The following MAGI2 variants were observed in gnomAD, a reference collection of about 807,000 sequenced individuals.
MAGI2 encodes the protein membrane associated guanylate kinase, WW and PDZ domain containing 2, also known as membrane-associated guanylate kinase, WW and PDZ domain-containing protein 2.
A neutral mutation model predicts 133.3 loss-of-function variants in MAGI2; 35 were observed. That is an observed-to-expected ratio of 0.26 (90% CI 0.20 to 0.35). MAGI2 has a LOEUF of 0.35. MAGI2 is among the 10% of genes least tolerant of loss of function. The probability of loss-of-function intolerance (pLI) is 1.00; values close to 1 mark genes in which losing one functional copy is unlikely to be tolerated. For missense variants in MAGI2, 1,636 were observed against 1,863.4 expected (o/e 0.88, Z 2.25); for synonymous variants, 729 against 710.6 (o/e 1.03, Z -0.41).
At chr7:78,614,665 A>C (rs1326168293) in intron 3 of MAGI2, 1 of 152,174 alleles carries the variant, frequency 6.6e-6, no homozygotes, top group African/African-American at 2.4e-5. Context: ...TTCTGATATA[A>C]TTGTTGAGAC....
chr7:79,448,828 A>G (rs1376229564), intron 1 of MAGI2, among the ~76,000 whole-genome samples: 4 of 152,158 alleles, frequency 2.6e-5, no homozygotes, highest in Admixed American at 6.5e-5. Flanking sequence ...AAGATTAAAC[A>G]GTGTAAATGT....
chr7:78,079,235 G>C, intron 20 of MAGI2, 150 bp from the exon 21 acceptor site: 1 of 727,246 alleles, frequency 1.4e-6, no homozygotes. Flanking sequence ...GCTATTCCCT[G>C]GCTGCATCCT....
intron 2 of MAGI2, among the ~76,000 whole-genome samples, chr7:78,747,429 C>T (rs542068270): frequency 1.3e-5 from 2 of 148,844 alleles, no homozygotes; most frequent in South Asian, 4.3e-4. Context: ...TCATTGTGCT[C>T]CAGACATTTT....
chr7:78,305,592 C>T (rs2151083514), intron 9 of MAGI2, among the ~76,000 whole-genome samples: 1 of 152,286 alleles, frequency 6.6e-6, no homozygotes, highest in South Asian at 2.1e-4. Context: ...TGGTCACCAT[C>T]TCAGAATTTG....
intron 2 of MAGI2, among the ~76,000 whole-genome samples, chr7:78,905,268 G>A (rs909964825): frequency 4.6e-5 from 7 of 152,050 alleles, no homozygotes; most frequent in African/African-American, 1.2e-4. Flanking sequence ...TAATGACACC[G>A]TGCCGTGCAA....
intron 9 of MAGI2, among the ~76,000 whole-genome samples, chr7:78,274,777 G>C (rs920234188): frequency 6.6e-6 from 1 of 152,120 alleles, no homozygotes; most frequent in African/African-American, 2.4e-5. Flanking sequence ...AGCAGTGGTG[G>C]ATGCACCTTC....
intron 3 of MAGI2, chr7:78,617,292 T>C (rs530369387): frequency 4.5e-4 from 68 of 152,252 alleles, no homozygotes; most frequent in African/African-American, 1.6e-3. Context: ...AGTCAAACTT[T>C]CCATTTTGTT....
chr7:78,534,978 C>CA (rs1287714324), intron 3 of MAGI2, among the ~76,000 whole-genome samples: 3 of 152,038 alleles, frequency 2.0e-5, no homozygotes, highest in Non-Finnish European at 2.9e-5. Context: ...ACTAAAAATA[C>CA]AAAAATTAGC....
At chr7:78,690,938 C>T (rs1482938720) in intron 2 of MAGI2, among the ~76,000 whole-genome samples, 1 of 152,184 alleles carries the variant, frequency 6.6e-6, no homozygotes, top group Non-Finnish European at 1.5e-5. Context: ...CAAAGCTGCA[C>T]TAAACATGCA....
In MAGI2 at chr7:78,256,052, A is replaced by T; in HGVS notation, c.1938T>A (p.Ile646=). Residue 646 remains isoleucine (I), a synonymous_variant, in exon 10 of 22, where the codon ATT becomes ATA. Transcript: ENST00000354212. ...GCPGLCEGDL[I]VEINQQNVQN... is the part of the protein sequence containing the mutation. ...GTACATTCTGCTGGTTGATCTCAAC[A>T]ATGAGGTCGCCTTCACACAGGCCAG... 6.2e-7 allele frequency: 1 copy of T among 1,613,702 alleles called. No individual in the cohort carries two copies. Among genetic ancestry groups the T allele is most frequent in the Non-Finnish European group, 8.5e-7 (1 of 1,179,898 alleles).
chr7:79,413,480 A>G (rs1456027039), intron 1 of MAGI2: 1 of 152,184 alleles, frequency 6.6e-6, no homozygotes. Flanking sequence ...CACAGAAAAC[A>G]GAACCATACA....
intron 1 of MAGI2, among the ~76,000 whole-genome samples, chr7:79,166,166 C>A (rs1199652909): frequency 6.6e-6 from 1 of 152,010 alleles, no homozygotes; most frequent in African/African-American, 2.4e-5. Context: ...CATTCCCATG[C>A]CTTGAATGTG....
chr7:79,044,912 G>A (rs1812030684), intron 1 of MAGI2, among the ~76,000 whole-genome samples: 1 of 152,128 alleles, frequency 6.6e-6, no homozygotes. Context: ...CTACTACACT[G>A]CAATTCTAAT....
intron 2 of MAGI2, among the ~76,000 whole-genome samples, chr7:78,700,295 G>A (rs1264371543): frequency 6.6e-6 from 1 of 152,100 alleles, no homozygotes; most frequent in Non-Finnish European, 1.5e-5. Context: ...CATTGGAATT[G>A]TTATGAAACA....
In MAGI2 at chr7:78,411,063, A is replaced by G. The variant is rs1797829830; in HGVS notation, c.1046-41850T>C. ...TCAGAGAACTATACATTATTGTTAC[A>G]AAATAGCATGTTACTTAAGCATTTC... is the stretch of plus-strand genomic sequence containing the variant. On this transcript the variant is annotated intron_variant, in intron 6 of 21. Coordinates refer to ENST00000354212, the MANE Select transcript of MAGI2 (RefSeq NM_012301.4). Among the ~76,000 whole-genome samples, 4 of 152,072 alleles carry G rather than the reference A, an allele frequency of 2.6e-5. No homozygotes were observed. In the South Asian group the frequency reaches 8.3e-4, roughly 31 times the overall value.
At chr7:78,145,853 C>A (rs1455666058) in intron 16 of MAGI2, among the ~76,000 whole-genome samples, 1 of 152,062 alleles carries the variant, frequency 6.6e-6, no homozygotes, top group Non-Finnish European at 1.5e-5. Context: ...TATGAGGGCA[C>A]CAATCCCATC....
chr7:79,272,418 T>C (rs182965374), intron 1 of MAGI2, among the ~76,000 whole-genome samples: 201 of 152,252 alleles, frequency 1.3e-3, no homozygotes, highest in African/African-American at 4.6e-3. Flanking sequence ...ATGTGTTTCA[T>C]TTAAGTGCTC....
At chr7:79,092,217 T>G (rs539422993) in intron 1 of MAGI2, among the ~76,000 whole-genome samples, 1 of 152,166 alleles carries the variant, frequency 6.6e-6, no homozygotes, top group East Asian at 1.9e-4. Context: ...TAATGCAAGT[T>G]AAAATTTTTA....
intron 21 of MAGI2, among the ~76,000 whole-genome samples, chr7:78,033,489 A>AAAAG (rs1809832336): frequency 6.6e-6 from 1 of 151,196 alleles, no homozygotes; most frequent in African/African-American, 2.4e-5. Context: ...AAAAAAAAAA[A>AAAAG]AAAGAAAAAA....
Sources: allele counts gnomAD v4.1 joint callset (sites outside exome capture counted in the v4.1 genomes callset), GRCh38; gene constraint gnomAD v4.1.1; transcripts MANE v1.5; gene names NCBI Gene and HGNC (gene_info 2026-07-23, HGNC 2026-07-21).